FMN1: variants seen among roughly 807,000 people sequenced by gnomAD.
FMN1 encodes the protein formin-1.
Under a neutral mutation model 132.4 loss-of-function variants are expected in FMN1, and 110 were observed. The ratio of observed to expected loss-of-function variants is 0.83; its 90% CI spans 0.71 to 0.97. The LOEUF (loss-of-function observed/expected upper bound fraction) is 0.97. Ranked by LOEUF, FMN1 falls within the 50% of genes least tolerant of loss-of-function variation. FMN1 has a pLI of 0.00. For synonymous variants in FMN1, 722 were observed against 651.7 expected (o/e 1.11, Z -1.64); for missense variants, 1,792 against 1,705.3 (o/e 1.05, Z -0.90).
At chr15:32,946,654 A>G (rs940655537) in intron 9 of FMN1, among the ~76,000 whole-genome samples, 25 of 152,188 alleles carry the variant, frequency 1.6e-4, no homozygotes, top group African/African-American at 6.0e-4. Context: ...AATAAAATCT[A>G]TCTTCCATAA....
intron 10 of FMN1, among the ~76,000 whole-genome samples, chr15:32,923,001 G>T (rs772705227): frequency 1.2e-4 from 19 of 152,188 alleles, no homozygotes; most frequent in Non-Finnish European, 2.4e-4. Flanking sequence ...TGTTGTTGTT[G>T]TAAGAAGGAA....
intron 19 of FMN1, among the ~76,000 whole-genome samples, chr15:32,787,847 TA>T (rs533968033): frequency 2.2e-4 from 33 of 147,850 alleles, no homozygotes; most frequent in South Asian, 4.3e-4. Flanking sequence ...CCTTGTCTCT[TA>T]AAAAAAAAAA....
intron 16 of FMN1, among the ~76,000 whole-genome samples, chr15:32,873,924 A>G (rs141224162): frequency 6.6e-6 from 1 of 151,932 alleles, no homozygotes; most frequent in Non-Finnish European, 1.5e-5. Context: ...CCGCTCCATC[A>G]TTCAATTATT....
At chr15:32,879,610 C>T (rs1363916196) in intron 16 of FMN1, among the ~76,000 whole-genome samples, 1 of 152,142 alleles carries the variant, frequency 6.6e-6, no homozygotes, top group Non-Finnish European at 1.5e-5. Context: ...ATCGCCTCAT[C>T]TGACCCTTTC....
intron 10 of FMN1, among the ~76,000 whole-genome samples, chr15:32,914,466 A>G (rs915640845): frequency 4.6e-5 from 7 of 152,230 alleles, no homozygotes; most frequent in African/African-American, 1.7e-4. Flanking sequence ...TAAAGGGACT[A>G]GAAAGATACA....
intron 7 of FMN1, among the ~76,000 whole-genome samples, chr15:33,007,204 A>C (rs1484178229): frequency 6.6e-6 from 1 of 152,182 alleles, no homozygotes; most frequent in Non-Finnish European, 1.5e-5. Flanking sequence ...TCGCAAACTA[A>C]CAAATTTTTA....
intron 7 of FMN1, among the ~76,000 whole-genome samples, chr15:32,984,955 TTC>T (rs1003322658): frequency 9.8e-5 from 14 of 142,354 alleles, no homozygotes; most frequent in South Asian, 4.6e-4. Context: ...AGGTCTCCTT[TTC>T]TCTGTTTGTT....
intron 16 of FMN1, among the ~76,000 whole-genome samples, chr15:32,862,239 C>T (rs952799488): frequency 2.6e-5 from 4 of 151,774 alleles, no homozygotes; most frequent in Admixed American, 6.6e-5. Flanking sequence ...CCGGAAGACT[C>T]GCATACGATA....
At chr15:32,973,434 C>T (rs945546531) in intron 7 of FMN1, among the ~76,000 whole-genome samples, 3 of 152,166 alleles carry the variant, frequency 2.0e-5, no homozygotes, top group African/African-American at 7.2e-5. Flanking sequence ...ATGGGTTCCT[C>T]ACATACTGTA....
Position 32,962,685 on chromosome 15 carries a change from C to G in FMN1, c.3138+1422G>C, listed in dbSNP as rs1222458909. Among the ~76,000 whole-genome samples the G allele has an allele frequency of 3.3e-3, 496 of 148,388 alleles. 5 individuals carry two copies. The highest frequency in any genetic ancestry group is 3.1e-3 in the Non-Finnish European group (206 of 66,716). On this transcript the variant is annotated intron_variant, in intron 9 of 20. Coordinates refer to ENST00000616417, the MANE Select transcript of FMN1 (RefSeq NM_001277313.2). ...ACCCCATCAAAAAGTGGGCGAAGGA[C>G]ATGAACAGACACTTCTCAAAAGAAG... is the stretch of plus-strand genomic sequence containing the variant.
chr15:33,153,413 C>T lies in FMN1; in HGVS notation c.1502G>A (p.Gly501Asp). The change falls in exon 4 of 21, where the codon GGC (glycine) becomes GAC (aspartate). Residue 501 changes from glycine (G) to aspartate (D), a missense_variant. By Grantham distance (94) the Gly-to-Asp change is moderately conservative. Coordinates refer to ENST00000616417, the MANE Select transcript of FMN1 (RefSeq NM_001277313.2). ...KPSPPAPAAL[G>D]KVFNNSASQS... ...CGAGGCTGAATTATTAAACACCTTGCCAAGAGCTGCCGGTGCTGGTGGGGA... is the reference window on the plus strand; with the variant it reads ...CGAGGCTGAATTATTAAACACCTTGTCAAGAGCTGCCGGTGCTGGTGGGGA... The T allele has an allele frequency of 6.5e-7, 1 of 1,536,738 alleles. No individual in the cohort carries two copies. Among genetic ancestry groups the T allele is most frequent in the South Asian group, 1.2e-5 (1 of 84,060 alleles).
At chr15:33,064,019 G>C (rs2037603828) in intron 6 of FMN1, 1 of 152,168 alleles carries the variant, frequency 6.6e-6, no homozygotes. Flanking sequence ...GTAAATGAAA[G>C]CTAGAAATCA....
At chr15:33,065,119 C>T (rs909767710) in intron 5 of FMN1, 45 bp from the exon 6 acceptor site, 18 of 1,282,728 alleles carry the variant, frequency 1.4e-5, no homozygotes, top group South Asian at 5.8e-5. Context: ...TAGTCAGAGC[C>T]GATTAATTCC....
chr15:33,080,750 G>T (rs555102687), intron 5 of FMN1, among the ~76,000 whole-genome samples: 53 of 152,220 alleles, frequency 3.5e-4, no homozygotes, highest in South Asian at 1.5e-3. Flanking sequence ...AGCCGGGCAT[G>T]GTGGCGCATG....
intron 16 of FMN1, among the ~76,000 whole-genome samples, chr15:32,877,070 G>C (rs1012636147): frequency 1.4e-4 from 21 of 152,290 alleles, no homozygotes; most frequent in African/African-American, 3.9e-4. Flanking sequence ...TGGATCACCT[G>C]AAGTCAGGAG....
chr15:33,038,109 T>C (rs1180093885), intron 6 of FMN1, among the ~76,000 whole-genome samples: 1 of 152,168 alleles, frequency 6.6e-6, no homozygotes, highest in East Asian at 1.9e-4. Flanking sequence ...ATGCCTGTAA[T>C]CCCAGCTACT....
chr15:33,046,090 A>G (rs2036668954), intron 6 of FMN1, among the ~76,000 whole-genome samples: 1 of 152,110 alleles, frequency 6.6e-6, no homozygotes, highest in South Asian at 2.1e-4. Flanking sequence ...TATAAAATGT[A>G]TATTATATCA....
intron 4 of FMN1, among the ~76,000 whole-genome samples, chr15:33,137,266 C>T (rs1238194881): frequency 6.6e-6 from 1 of 152,070 alleles, no homozygotes; most frequent in Admixed American, 6.6e-5. Context: ...CCCATGCCAC[C>T]CTTGCCTTTC....
chr15:32,874,017 G>GTTTTTTTTTTTTTTTTT (rs962842419), intron 16 of FMN1, among the ~76,000 whole-genome samples: 1 of 115,104 alleles, frequency 8.7e-6, no homozygotes, highest in Non-Finnish European at 1.8e-5. Flanking sequence ...TATTTTAGTT[G>GTTTTTTTTTTTTTTTTT]TTTTTTTTTT....
Sources: gnomAD v4.1 joint callset for allele counts (sites outside exome capture counted in the v4.1 genomes callset) on GRCh38, gnomAD v4.1.1 for gene constraint, MANE v1.5 for transcripts, NCBI Gene and HGNC (gene_info 2026-07-23, HGNC 2026-07-21) for gene names.